The following CSMD3 variants were observed in gnomAD, a reference collection of about 807,000 sequenced individuals.
CSMD3 encodes the protein CUB and Sushi multiple domains 3, also known as CUB and sushi domain-containing protein 3.
CSMD3 carries 177 observed loss-of-function variants against 435.2 expected under a neutral mutation model. That is an observed-to-expected ratio of 0.41 (90% CI 0.36 to 0.46). The LOEUF (loss-of-function observed/expected upper bound fraction) is 0.46, where lower values mean the gene tolerates loss of function less well. CSMD3 is among the 20% of genes least tolerant of loss of function. The pLI, the probability that CSMD3 is intolerant of heterozygous loss-of-function variation, is 0.34. For missense variants in CSMD3, 4,265 were observed against 4,504.6 expected (o/e 0.95, Z 1.52); for synonymous variants, 1,656 against 1,520.5 (o/e 1.09, Z -2.07).
rs57299830 is a variant in CSMD3 at position 112,640,594 on chromosome 8, G to GTT, written c.3311-1685_3311-1684dup. Among the ~76,000 whole-genome samples, 17 of 148,184 alleles carry GTT rather than the reference G, an allele frequency of 1.1e-4. No homozygotes were observed. The East Asian group carries it at 1.4e-3, about 12-fold the overall frequency. On this transcript the variant is annotated intron_variant, in intron 20 of 70. Transcript: ENST00000297405. ...TATTTTTCAAAATGCAAGTTTTGGT[G>GTT]TTTTTTTTTTCTCCTCTCTATAATT...
chr8:112,410,624 A>ATATGTGTATATATATGTATATATATG (rs752875755), intron 32 of CSMD3, among the ~76,000 whole-genome samples: 6 of 34,112 alleles, frequency 1.8e-4, no homozygotes, highest in East Asian at 1.4e-3. Flanking sequence ...ATGTATATAT[A>ATATGTGTATATATATGTATATATATG]TGTGTATATA....
At chr8:113,314,883 C>A in intron 1 of CSMD3, 90 bp from the exon 2 acceptor site, 1 of 874,320 alleles carries the variant, frequency 1.1e-6, no homozygotes. Context: ...TATTGCATTT[C>A]CAAGACCAAA....
chr8:113,007,849 CAAAGAATTAATATCCTTATGGGG>C (rs1482965166), intron 6 of CSMD3, among the ~76,000 whole-genome samples: 1 of 151,726 alleles, frequency 6.6e-6, no homozygotes, highest in African/African-American at 2.4e-5. Flanking sequence ...TTTTCTAACT[CAAAGAATTAATATCCTTATGGGG>C]AAAACGTAAT....
At chr8:112,749,900 C>G (rs1236173373) in intron 13 of CSMD3, among the ~76,000 whole-genome samples, 1 of 151,892 alleles carries the variant, frequency 6.6e-6, no homozygotes, top group Non-Finnish European at 1.5e-5. Flanking sequence ...GACTGCTGCA[C>G]AAAGATTAGA....
At chr8:112,380,313 T>A (rs558780816) in intron 38 of CSMD3, 39 bp downstream of exon 38, 3 of 1,085,204 alleles carry the variant, frequency 2.8e-6, no homozygotes, top group African/African-American at 3.1e-5. Context: ...TATAAACTTG[T>A]TCTTAACCTT....
chr8:112,723,533 A>G lies in CSMD3; in HGVS notation c.1973-33483T>C, dbSNP rs182483582. Among the ~76,000 whole-genome samples, 9 of 152,286 alleles carry G rather than the reference A, an allele frequency of 5.9e-5. No individual in the cohort carries two copies. In the East Asian group the frequency reaches 1.7e-3, roughly 29 times the overall value. On this transcript the variant is annotated intron_variant, in intron 13 of 70. Coordinates refer to ENST00000297405, the MANE Select transcript of CSMD3 (RefSeq NM_198123.2). ...ACAACAGTAACTTTTCTATGTTGCCAAGAAGTGGGGCTATTATTTTTCATG... is the reference window on the plus strand; with the variant it reads ...ACAACAGTAACTTTTCTATGTTGCCGAGAAGTGGGGCTATTATTTTTCATG...
intron 13 of CSMD3, among the ~76,000 whole-genome samples, chr8:112,763,668 T>A (rs1285259431): frequency 6.7e-6 from 1 of 150,026 alleles, no homozygotes; most frequent in African/African-American, 2.4e-5. Flanking sequence ...TACTTCGTGT[T>A]AAAAGAAAAT....
At chr8:112,572,230 A>T (rs982735968) in intron 24 of CSMD3, among the ~76,000 whole-genome samples, 2 of 152,088 alleles carry the variant, frequency 1.3e-5, no homozygotes, top group South Asian at 2.1e-4. Flanking sequence ...ATTTTTCCTT[A>T]GGAAGACTCA....
At chr8:112,343,708 T>G (rs1252523859) in intron 41 of CSMD3, among the ~76,000 whole-genome samples, 1 of 152,144 alleles carries the variant, frequency 6.6e-6, no homozygotes, top group African/African-American at 2.4e-5. Context: ...CTCAGTGGCA[T>G]GATCACAGCT....
chr8:112,368,598 T>C (rs1586896498), intron 38 of CSMD3, among the ~76,000 whole-genome samples: 1 of 152,162 alleles, frequency 6.6e-6, no homozygotes, highest in African/African-American at 2.4e-5. Flanking sequence ...ACCTAGAAAA[T>C]GTACCTTGCA....
intron 38 of CSMD3, among the ~76,000 whole-genome samples, chr8:112,365,487 T>C (rs962611176): frequency 2.0e-5 from 3 of 149,782 alleles, no homozygotes; most frequent in African/African-American, 7.3e-5. Context: ...TTTTTTTTTT[T>C]TTTTTACCAA....
intron 32 of CSMD3, among the ~76,000 whole-genome samples, chr8:112,443,273 A>G (rs1815240044): frequency 6.6e-6 from 1 of 152,222 alleles, no homozygotes. Flanking sequence ...CTTACAGGTA[A>G]TAAAACATAC....
Position 112,301,800 on chromosome 8 carries a change from T to C in CSMD3, c.8433A>G (p.Arg2811=). Residue 2811 remains arginine (R), a synonymous_variant, in exon 53 of 71, where the codon AGA becomes AGG. Transcript: ENST00000297405. Reference sequence around the variant, plus strand: ...CAAATTAAAAATCTGTACCTAGGCATCTGGTTTCAGATTCACTCCAAAGAC... The same window carrying C: ...CAAATTAAAAATCTGTACCTAGGCACCTGGTTTCAGATTCACTCCAAAGAC... ...SSGLWSESET[R]CLAGHCGIPE... 2 of 1,613,434 alleles carry C rather than the reference T, an allele frequency of 1.2e-6. No individual in the cohort carries two copies. The highest frequency in any genetic ancestry group is 1.7e-6 in the Non-Finnish European group (2 of 1,179,490).
intron 3 of CSMD3, among the ~76,000 whole-genome samples, chr8:113,225,077 C>A (rs1376517038): frequency 6.6e-6 from 1 of 151,276 alleles, no homozygotes; most frequent in Non-Finnish European, 1.5e-5. Flanking sequence ...AGGTCCTGCC[C>A]ATTAAATGCC....
chr8:112,333,152 T>G (rs1400360828), intron 45 of CSMD3, among the ~76,000 whole-genome samples: 1 of 152,154 alleles, frequency 6.6e-6, no homozygotes, highest in Non-Finnish European at 1.5e-5. Context: ...CTGATCTGTT[T>G]TATTTTTATT....
chr8:112,619,673 TA>T (rs1833916501), intron 22 of CSMD3, among the ~76,000 whole-genome samples: 1 of 152,132 alleles, frequency 6.6e-6, no homozygotes, highest in Non-Finnish European at 1.5e-5. Flanking sequence ...TAAGGCCAGC[TA>T]CTCAGTTTGC....
At chr8:112,413,663 C>T (rs771547151) in intron 32 of CSMD3, among the ~76,000 whole-genome samples, 17 of 152,216 alleles carry the variant, frequency 1.1e-4, no homozygotes, top group South Asian at 2.1e-4. Context: ...GGTTAGTGCT[C>T]ACAGGGGAGG....
intron 13 of CSMD3, among the ~76,000 whole-genome samples, chr8:112,746,070 GTATT>G (rs1416050371): frequency 2.3e-4 from 35 of 152,172 alleles, no homozygotes; most frequent in Admixed American, 2.6e-4. Flanking sequence ...GCTTAAAACT[GTATT>G]TATCAGATTC....
chr8:112,976,960 TATGTGCGC>T (rs1212233227), intron 6 of CSMD3, among the ~76,000 whole-genome samples: 1 of 152,042 alleles, frequency 6.6e-6, no homozygotes, highest in Non-Finnish European at 1.5e-5. Context: ...AGAGTGTGTA[TATGTGCGC>T]ATGTGTGTGT....
Sources: allele counts gnomAD v4.1 joint callset (sites outside exome capture counted in the v4.1 genomes callset), GRCh38; gene constraint gnomAD v4.1.1; transcripts MANE v1.5; gene names NCBI Gene and HGNC (gene_info 2026-07-23, HGNC 2026-07-21).